The following RABGAP1L variants were observed in gnomAD, a reference collection of about 807,000 sequenced individuals.
RABGAP1L encodes RAB GTPase activating protein 1 like.
RABGAP1L carries 63 observed loss-of-function variants against 137.7 expected under a neutral mutation model. The observed-to-expected ratio is 0.46, with a 90% CI of 0.37 to 0.56. RABGAP1L has a LOEUF of 0.56. RABGAP1L is among the 20% of genes least tolerant of loss of function. The probability of loss-of-function intolerance (pLI) is 0.00; values close to 1 mark genes in which losing one functional copy is unlikely to be tolerated. For missense variants in RABGAP1L, 1,095 were observed against 1,244.0 expected, an observed-to-expected ratio of 0.88 and a Z score of 1.80; for synonymous variants, 431 against 433.7, an observed-to-expected ratio of 0.99 and a Z score of 0.08.
chr1:174,251,462 C>G (rs182095736), intron 6 of RABGAP1L, among the ~76,000 whole-genome samples: 28 of 152,166 alleles, frequency 1.8e-4, no homozygotes, highest in Admixed American at 1.6e-3. Flanking sequence ...TGTTCCTTAG[C>G]TGTGCCTTTA....
At chr1:174,840,708 TG>T (rs1693288685) in intron 19 of RABGAP1L, among the ~76,000 whole-genome samples, 2 of 149,856 alleles carry the variant, frequency 1.3e-5, no homozygotes, top group African/African-American at 4.9e-5. Context: ...CCCAGCTACT[TG>T]GGAGACTGAG....
intron 5 of RABGAP1L, among the ~76,000 whole-genome samples, chr1:174,243,924 A>G (rs576258597): frequency 6.8e-4 from 103 of 152,316 alleles, no homozygotes; most frequent in Middle Eastern, 3.4e-3. Context: ...TAAAACACAA[A>G]TGTGGATTTT....
chr1:174,314,132 C>T (rs774084511), intron 11 of RABGAP1L, among the ~76,000 whole-genome samples: 10 of 152,116 alleles, frequency 6.6e-5, no homozygotes, highest in African/African-American at 1.4e-4. Flanking sequence ...GTGAAGTCAT[C>T]GGTTCCTGGG....
At chr1:174,186,921 G>T (rs552264044) in intron 1 of RABGAP1L, among the ~76,000 whole-genome samples, 12 of 152,196 alleles carry the variant, frequency 7.9e-5, no homozygotes, top group Middle Eastern at 3.4e-3. Context: ...ATTTTTCAAT[G>T]TACTTAAAAC....
intron 18 of RABGAP1L, among the ~76,000 whole-genome samples, chr1:174,780,480 A>G (rs1213693837): frequency 6.6e-6 from 1 of 151,936 alleles, no homozygotes; most frequent in Non-Finnish European, 1.5e-5. Context: ...ACCTTCCTCT[A>G]TTTTTACATT....
At chr1:174,941,380 C>A (rs542453591) in intron 19 of RABGAP1L, among the ~76,000 whole-genome samples, 2 of 150,052 alleles carry the variant, frequency 1.3e-5, no homozygotes, top group Non-Finnish European at 3.0e-5. Context: ...ACCTGCTTAT[C>A]TTTAAATCTA....
At chr1:174,666,631 T>G (rs936581697) in intron 14 of RABGAP1L, among the ~76,000 whole-genome samples, 8 of 152,222 alleles carry the variant, frequency 5.3e-5, no homozygotes, top group African/African-American at 1.9e-4. Flanking sequence ...TCCTTTGATT[T>G]CCCTTTTCAT....
chr1:174,611,481 A>G (rs910096676), intron 13 of RABGAP1L, among the ~76,000 whole-genome samples: 24 of 150,162 alleles, frequency 1.6e-4, no homozygotes, highest in Non-Finnish European at 2.7e-4. Flanking sequence ...GTTTGAAGTC[A>G]GGTAGCATGA....
chr1:174,855,958 C>T (rs1043863289), intron 19 of RABGAP1L, among the ~76,000 whole-genome samples: 71 of 152,294 alleles, frequency 4.7e-4, no homozygotes, highest in African/African-American at 1.7e-3. Flanking sequence ...TAACTGAAGT[C>T]CCACTTGAAA....
chr1:174,169,948 CA>C (rs1475937168), intron 1 of RABGAP1L, among the ~76,000 whole-genome samples: 1 of 152,160 alleles, frequency 6.6e-6, no homozygotes, highest in African/African-American at 2.4e-5. Flanking sequence ...CCCTTCCAAG[CA>C]TTGGAATTAC....
rs370981580 is a variant in RABGAP1L, at chr1:174,459,832, A to G, written c.1710+65687A>G. On this transcript the variant is annotated intron_variant, in intron 13 of 25. Coordinates refer to ENST00000681986, the MANE Select transcript of RABGAP1L (RefSeq NM_001366446.1). Reference sequence around the variant, plus strand: ...TAGTAGAGCCATCATTAGAACCCATATAGTCAGAGTGAATACCTTAATAAT... The same window carrying G: ...TAGTAGAGCCATCATTAGAACCCATGTAGTCAGAGTGAATACCTTAATAAT... 4.6e-5 allele frequency among the ~76,000 whole-genome samples: 7 copies of G among 152,244 alleles called. No individual in the cohort carries two copies. In the East Asian group the frequency reaches 1.3e-3, roughly 29 times the overall value.
At chr1:174,661,851 C>T (rs1377922884) in intron 14 of RABGAP1L, among the ~76,000 whole-genome samples, 1 of 152,138 alleles carries the variant, frequency 6.6e-6, no homozygotes, top group Non-Finnish European at 1.5e-5. Flanking sequence ...ACACATTACT[C>T]ACCTATTTGT....
chr1:174,684,520 A>G (rs1678314846), intron 15 of RABGAP1L, among the ~76,000 whole-genome samples: 1 of 152,214 alleles, frequency 6.6e-6, no homozygotes, highest in South Asian at 2.1e-4. Flanking sequence ...AGACTTTGTA[A>G]TGTGTCAAAA....
chr1:174,196,658 T>C (rs1667718564), intron 1 of RABGAP1L, among the ~76,000 whole-genome samples: 1 of 151,898 alleles, frequency 6.6e-6, no homozygotes, highest in Non-Finnish European at 1.5e-5. Flanking sequence ...CTGCAATTTC[T>C]CCAAATCTTA....
intron 19 of RABGAP1L, chr1:174,945,567 G>A (rs1465980837): frequency 6.6e-6 from 1 of 151,624 alleles, no homozygotes; most frequent in East Asian, 1.9e-4. Context: ...CAGGCTAAAT[G>A]TCCTTTTTTT....
chr1:174,624,761 C>A (rs888462253), intron 13 of RABGAP1L, among the ~76,000 whole-genome samples: 2 of 152,016 alleles, frequency 1.3e-5, no homozygotes, highest in African/African-American at 4.8e-5. Context: ...ATTGCTTTCC[C>A]CTCTGACTGT....
At chr1:174,769,394 G>A (rs189026526) in intron 18 of RABGAP1L, among the ~76,000 whole-genome samples, 2 of 152,162 alleles carry the variant, frequency 1.3e-5, no homozygotes, top group African/African-American at 2.4e-5. Flanking sequence ...TATCCCAAAA[G>A]GCCATTCTTA....
intron 19 of RABGAP1L, among the ~76,000 whole-genome samples, chr1:174,940,061 A>C (rs896646019): frequency 3.3e-5 from 5 of 152,214 alleles, no homozygotes; most frequent in African/African-American, 1.2e-4. Context: ...AGTTTGGAAA[A>C]TTCATACCCC....
At chr1:174,773,855 AATCAGAGTAT>A (rs1686314173) in intron 18 of RABGAP1L, among the ~76,000 whole-genome samples, 1 of 152,226 alleles carries the variant, frequency 6.6e-6, no homozygotes, top group East Asian at 1.9e-4. Context: ...CACTCTGACC[AATCAGAGTAT>A]GTGAGCTGAT....
Sources: allele counts gnomAD v4.1 joint callset (sites outside exome capture counted in the v4.1 genomes callset), GRCh38; gene constraint gnomAD v4.1.1; transcripts MANE v1.5; gene names NCBI Gene and HGNC (gene_info 2026-07-23, HGNC 2026-07-21).